TPO: variants seen among roughly 807,000 people sequenced by gnomAD.
The protein encoded by TPO is thyroid peroxidase, also known as thyroid microsomal antigen.
Under a neutral mutation model 96.9 loss-of-function variants are expected in TPO, and 78 were observed. The observed-to-expected ratio is 0.81, with a 90% CI of 0.67 to 0.97. TPO has a LOEUF of 0.97. Ranked by LOEUF, TPO falls within the 50% of genes least tolerant of loss-of-function variation. The pLI, the probability that TPO is intolerant of heterozygous loss-of-function variation, is 0.00. For synonymous variants in TPO, 547 were observed against 538.0 expected, an observed-to-expected ratio of 1.02 and a Z score of -0.23; for missense variants, 1,252 against 1,274.8, an observed-to-expected ratio of 0.98 and a Z score of 0.27.
chr2:1,378,753 T>A (rs1021318147), intron 1 of TPO, among the ~76,000 whole-genome samples: 22 of 152,336 alleles, frequency 1.4e-4, no homozygotes, highest in African/African-American at 5.3e-4. Flanking sequence ...AGATGCTGTG[T>A]GCACCTGGCG....
intron 15 of TPO, among the ~76,000 whole-genome samples, chr2:1,538,360 G>A (rs1239837350): frequency 6.6e-6 from 1 of 152,206 alleles, no homozygotes; most frequent in Middle Eastern, 3.2e-3. Context: ...AAGTGTTCAT[G>A]AAGAAGATCG....
chr2:1,537,708 G>A (rs1349821110), intron 15 of TPO, among the ~76,000 whole-genome samples: 22 of 76,432 alleles, frequency 2.9e-4, no homozygotes, highest in Non-Finnish European at 3.2e-4. Context: ...AATCCCAACT[G>A]TGAGCGACCT....
Position 1,542,575 on chromosome 2 carries a change from T to C in TPO, c.*101T>C, listed in dbSNP as rs778057218. On this transcript the variant is annotated 3_prime_UTR_variant, in exon 17 of 17. Coordinates refer to ENST00000329066, the MANE Select transcript of TPO (RefSeq NM_001206744.2). ...AAATCCGAAATCAGCAGGACGACTG[T>C]TTTCCCAACACGGGTAAATCTAGTA... 12 of 1,574,876 alleles carry C rather than the reference T, an allele frequency of 7.6e-6. No homozygotes were observed. Among genetic ancestry groups the C allele is most frequent in the African/African-American group, 1.3e-5 (1 of 74,260 alleles).
At chr2:1,457,848 T>C (rs958037571) in intron 7 of TPO, among the ~76,000 whole-genome samples, 5 of 152,034 alleles carry the variant, frequency 3.3e-5, no homozygotes, top group Admixed American at 2.6e-4. Context: ...GGATTATGTG[T>C]GGGCATGTGT....
rs890050685 is a variant in TPO, at chr2:1,488,272, C to T, written c.1768+281C>T. On this transcript the variant is annotated intron_variant, in intron 10 of 16. Coordinates refer to ENST00000329066, the MANE Select transcript of TPO (RefSeq NM_001206744.2). ...CTTCTAGTAGAGGGAGGAGGGAGTG[C>T]GCGGGCAGACAATGGCAGGTCTGTA... Among the ~76,000 whole-genome samples, 4 of 152,100 alleles carry T rather than the reference C, an allele frequency of 2.6e-5. No individual in the cohort carries two copies. In the South Asian group the frequency reaches 8.3e-4, roughly 32 times the overall value.
intron 14 of TPO, among the ~76,000 whole-genome samples, chr2:1,506,850 T>C (rs1673520194): frequency 6.6e-6 from 1 of 152,176 alleles, no homozygotes; most frequent in South Asian, 2.1e-4. Context: ...TTCAGTCTGA[T>C]AGTAGTTTCT....
Position 1,496,772 on chromosome 2 carries a change from CCTTT to C in TPO, c.2386+11_2386+14del, listed in dbSNP as rs773958479. ...CAGCCTCCCCTCTGCAAAGGTCAGTCCTTTCTTCAATGACAATTACAAAACATCT... is the reference window on the plus strand; with the variant it reads ...CAGCCTCCCCTCTGCAAAGGTCAGTCCTTCAATGACAATTACAAAACATCT... On this transcript the variant is annotated splice_region_variant and intron_variant, in intron 13 of 16. Coordinates refer to ENST00000329066, the MANE Select transcript of TPO (RefSeq NM_001206744.2). The C allele has an allele frequency of 9.9e-5, 159 of 1,613,996 alleles. No individual in the cohort carries two copies. Among genetic ancestry groups the C allele is most frequent in the Non-Finnish European group, 1.3e-4 (150 of 1,180,038 alleles).
At chr2:1,507,992 G>A (rs113402651) in intron 14 of TPO, among the ~76,000 whole-genome samples, 1 of 152,104 alleles carries the variant, frequency 6.6e-6, no homozygotes, top group African/African-American at 2.4e-5. Context: ...TCCAGTTTTT[G>A]CCCATTCAGT....
At chr2:1,523,496 AT>A (rs1355078854) in intron 15 of TPO, among the ~76,000 whole-genome samples, 1 of 105,620 alleles carries the variant, frequency 9.5e-6, no homozygotes, top group Non-Finnish European at 1.9e-5. Flanking sequence ...AACTCCCCAA[AT>A]CCCCCCGACT....
intron 3 of TPO, among the ~76,000 whole-genome samples, chr2:1,424,145 TAG>T (rs1250765320): frequency 6.6e-6 from 1 of 152,174 alleles, no homozygotes; most frequent in East Asian, 1.9e-4. Flanking sequence ...TTACACATCT[TAG>T]AGAGACATAA....
At chr2:1,433,682 C>T in intron 4 of TPO, 75 bp downstream of exon 4, 1 of 1,545,926 alleles carries the variant, frequency 6.5e-7, no homozygotes, top group South Asian at 1.2e-5. Flanking sequence ...GCAGGGGCTG[C>T]TTGCTCAGGG....
At chr2:1,394,720 G>C (rs1662052842) in intron 1 of TPO, among the ~76,000 whole-genome samples, 1 of 152,180 alleles carries the variant, frequency 6.6e-6, no homozygotes, top group Admixed American at 6.5e-5. Flanking sequence ...AGTCCTGCCT[G>C]GTCTAATGCT....
At chr2:1,511,316 AGCCCTGC>A (rs1674099918) in intron 14 of TPO, among the ~76,000 whole-genome samples, 3 of 16,846 alleles carry the variant, frequency 1.8e-4, no homozygotes, top group East Asian at 1.4e-3. Flanking sequence ...GCCACAGCGC[AGCCCTGC>A]AGACTGGGGG....
rs779278018 is a variant in TPO, at chr2:1,477,239, G to C, written c.973G>C (p.Asp325His). The change falls in exon 8 of 17, where the codon GAC (aspartate) becomes CAC (histidine). Residue 325 changes from aspartate (D) to histidine (H), a missense_variant. By Grantham distance (81) the Asp-to-His change is moderately conservative. Transcript: ENST00000329066. The stretch of plus-strand genomic sequence containing the variant: ...GATGAACGGGTTGACCTCGTTCCTG[G>C]ACGCGTCCACCGTGTATGGCAGCTC... ...QQMNGLTSFL[D>H]ASTVYGSSPA... 3.7e-6 allele frequency: 6 copies of C among 1,608,586 alleles called. No individual in the cohort carries two copies. Among genetic ancestry groups the C allele is most frequent in the Non-Finnish European group, 4.2e-6 (5 of 1,178,556 alleles).
At position 1,516,979 on chromosome 2, in the gene TPO, G is replaced by C; in HGVS notation, c.2615G>C (p.Arg872Thr). 1 of 1,613,866 alleles carries C rather than the reference G, an allele frequency of 6.2e-7. No individual in the cohort carries two copies. Among genetic ancestry groups the C allele is most frequent in the Non-Finnish European group, 8.5e-7 (1 of 1,180,026 alleles). Reference protein sequence around the residue: ...FAGLTSTVICRWTRTGTKSTL... With the variant: ...FAGLTSTVICTWTRTGTKSTL... ...GGTCTCACCTCGACGGTGATTTGCAGGTGGTAAGTCCTTCACTTTTTGACT... is the reference window on the plus strand; with the variant it reads ...GGTCTCACCTCGACGGTGATTTGCACGTGGTAAGTCCTTCACTTTTTGACT... Residue 872 changes from arginine (R) to threonine (T), a missense_variant, in exon 15 of 17, where the codon AGG becomes ACG. Transcript: ENST00000329066.
At chr2:1,491,073 G>A (rs1016318133) in intron 10 of TPO, among the ~76,000 whole-genome samples, 1 of 152,122 alleles carries the variant, frequency 6.6e-6, no homozygotes, top group East Asian at 1.9e-4. Flanking sequence ...GAGAGGCTGA[G>A]GCAGGAGAAT....
intron 1 of TPO, among the ~76,000 whole-genome samples, chr2:1,401,620 C>G (rs1357661089): frequency 6.6e-6 from 1 of 152,102 alleles, no homozygotes; most frequent in Non-Finnish European, 1.5e-5. Flanking sequence ...CTGCACAGCC[C>G]TGAGCTTCTC....
chr2:1,461,658 GTGTGCACGCCCT>G (rs1668444951), intron 7 of TPO, among the ~76,000 whole-genome samples: 1 of 152,072 alleles, frequency 6.6e-6, no homozygotes, highest in Non-Finnish European at 1.5e-5. Flanking sequence ...CCGTACACCT[GTGTGCACGCCCT>G]TGTGCACACA....
chr2:1,395,724 G>C, intron 1 of TPO, among the ~76,000 whole-genome samples: 1 of 130,788 alleles, frequency 7.6e-6, no homozygotes, highest in East Asian at 2.0e-4. Flanking sequence ...TTCTCATGCC[G>C]TTCTAGTGAT....
Sources: gnomAD v4.1 joint callset for allele counts (sites outside exome capture counted in the v4.1 genomes callset) on GRCh38, gnomAD v4.1.1 for gene constraint, MANE v1.5 for transcripts, NCBI Gene and HGNC (gene_info 2026-07-23, HGNC 2026-07-21) for gene names.